The following CACNA1A variants were observed in gnomAD, a reference collection of about 807,000 sequenced individuals.
CACNA1A encodes calcium voltage-gated channel subunit alpha1 A, also known as voltage-dependent P/Q-type calcium channel subunit alpha-1A.
CACNA1A carries 57 observed loss-of-function variants against 262.4 expected under a neutral mutation model. The observed-to-expected ratio is 0.22, with a 90% CI of 0.18 to 0.27. The LOEUF (loss-of-function observed/expected upper bound fraction) is 0.27, where lower values mean the gene tolerates loss of function less well. Ranked by LOEUF, CACNA1A falls within the 10% of genes least tolerant of loss-of-function variation. The pLI is 1.00. For missense variants in CACNA1A, 2,526 were observed against 3,562.8 expected (o/e 0.71, Z 7.41); for synonymous variants, 1,431 against 1,419.3 (o/e 1.01, Z -0.18).
Position 13,227,578 on chromosome 19 carries a change from C to T in CACNA1A, c.5529-51G>A, listed in dbSNP as rs150995972. 3.3e-3 allele frequency: 3,448 copies of T among 1,051,858 alleles called. 10 individuals carry two copies. The highest frequency in any genetic ancestry group is 5.4e-3 in the Middle Eastern group (24 of 4,418). The allele number at this position is 1,051,858 out of a possible 1,614,324, so 65.2% of individuals were successfully genotyped here. Reference sequence around the variant, plus strand: ...CAAAAACAAAAACAAAAAAACAAAACGGGAATGGGAACAGAGAACCAAAGG... The same window carrying T: ...CAAAAACAAAAACAAAAAAACAAAATGGGAATGGGAACAGAGAACCAAAGG... On this transcript the variant is annotated intron_variant, in intron 36 of 46. Coordinates refer to ENST00000360228, the MANE Select transcript of CACNA1A (RefSeq NM_001127222.2).
intron 46 of CACNA1A, among the ~76,000 whole-genome samples, chr19:13,208,268 G>A (rs556902527): frequency 3.4e-5 from 5 of 145,082 alleles, no homozygotes; most frequent in South Asian, 2.2e-4. Context: ...GGGAGGAGGG[G>A]GAGTGAGACA....
At chr19:13,469,080 G>A (rs1291062666) in intron 1 of CACNA1A, among the ~76,000 whole-genome samples, 4 of 152,086 alleles carry the variant, frequency 2.6e-5, no homozygotes, top group Non-Finnish European at 5.9e-5. Context: ...AGCCAAGAAG[G>A]CCCCCAAGAA....
intron 10 of CACNA1A, among the ~76,000 whole-genome samples, chr19:13,318,170 G>A (rs1419977308): frequency 1.3e-5 from 2 of 152,088 alleles, no homozygotes; most frequent in African/African-American, 4.8e-5. Context: ...AGAGGGACTG[G>A]GAGCCCTTGG....
chr19:13,490,622 G>GGAAAA (rs1006828937), intron 1 of CACNA1A, among the ~76,000 whole-genome samples: 2 of 130,356 alleles, frequency 1.5e-5, no homozygotes, highest in Non-Finnish European at 3.3e-5. Context: ...AGAAAAGAAA[G>GGAAAA]GAAAAGAAAA....
rs967191257 is a variant in CACNA1A at position 13,312,834 on chromosome 19, G to T, written c.1556-53C>A. The T allele has an allele frequency of 8.1e-6, 7 of 868,938 alleles. No individual in the cohort carries two copies. The African/African-American group carries it at 1.3e-4, about 16-fold the overall frequency. 53.8% of individuals were successfully genotyped at this position (868,938 alleles called of 1,614,324 possible). A position where few individuals can be genotyped will look rare whatever the true frequency, so the allele number is the denominator to read the frequency against. Reference sequence around the variant, plus strand: ...GGAGGTTAGGCTTGCTGAGGGTAGGGGTTCCAGGTGGCTCTGACTTTCCTT... The same window carrying T: ...GGAGGTTAGGCTTGCTGAGGGTAGGTGTTCCAGGTGGCTCTGACTTTCCTT... On this transcript the variant is annotated intron_variant, in intron 11 of 46. Coordinates refer to ENST00000360228, the MANE Select transcript of CACNA1A (RefSeq NM_001127222.2).
chr19:13,442,052 G>T (rs1041526066), intron 3 of CACNA1A, among the ~76,000 whole-genome samples: 1 of 152,104 alleles, frequency 6.6e-6, no homozygotes, highest in African/African-American at 2.4e-5. Context: ...AGCACAATAC[G>T]GTGTGCTGGG....
intron 4 of CACNA1A, chr19:13,366,352 C>T (rs2059211542): frequency 6.6e-6 from 1 of 152,036 alleles, no homozygotes; most frequent in Non-Finnish European, 1.5e-5. Context: ...TGCCTGTAGT[C>T]CTAGCTACTC....
At position 13,208,766 on chromosome 19, in the gene CACNA1A, G is replaced by A. The variant is rs755099305; in HGVS notation, c.6770C>T (p.Ala2257Val). The A allele has an allele frequency of 5.6e-5, 89 of 1,576,054 alleles. No homozygotes were observed. Among genetic ancestry groups the A allele is most frequent in the South Asian group, 6.8e-5 (6 of 88,680 alleles). The change falls in exon 46 of 47, where the codon GCG (alanine) becomes GTG (valine). Residue 2257 changes from alanine (A) to valine (V), a missense_variant. Coordinates refer to ENST00000360228, the MANE Select transcript of CACNA1A (RefSeq NM_001127222.2). ...TGCAGCCGCACCCACCTGCCGGTGC[G>A]CCATGTGCTCTCGGCCCTCGCTGGG... ...RSPSEGREHM[A>V]HRQGSSSVSG...
intron 3 of CACNA1A, among the ~76,000 whole-genome samples, chr19:13,405,465 T>G (rs553722614): frequency 5.3e-4 from 80 of 152,040 alleles, no homozygotes; most frequent in Admixed American, 1.7e-3. Flanking sequence ...TTCTGCCTCC[T>G]AAAGTGCTGG....
intron 6 of CACNA1A, among the ~76,000 whole-genome samples, chr19:13,340,407 G>A (rs1014468251): frequency 6.9e-6 from 1 of 145,946 alleles, no homozygotes; most frequent in African/African-American, 2.5e-5. Flanking sequence ...TGAGAAAGCT[G>A]AGGCACAGAG....
At chr19:13,385,316 G>A (rs1475750198) in intron 3 of CACNA1A, among the ~76,000 whole-genome samples, 1 of 147,174 alleles carries the variant, frequency 6.8e-6, no homozygotes, top group African/African-American at 2.5e-5. Flanking sequence ...TGCATCCTCC[G>A]CTTCCCAGGT....
intron 1 of CACNA1A, among the ~76,000 whole-genome samples, chr19:13,490,889 G>A (rs1354662479): frequency 7.9e-6 from 1 of 127,170 alleles, no homozygotes; most frequent in African/African-American, 3.0e-5. Flanking sequence ...AGGAAGGAAG[G>A]AAAGGAGTAA....
At chr19:13,304,489 G>A (rs771054270) in intron 15 of CACNA1A, among the ~76,000 whole-genome samples, 10 of 151,832 alleles carry the variant, frequency 6.6e-5, no homozygotes, top group African/African-American at 9.7e-5. Context: ...AAATTAGCTG[G>A]TGCCCATCTG....
At chr19:13,257,705 A>C (rs1361555329) in intron 27 of CACNA1A, 154 bp from the exon 28 acceptor site, 2 of 501,476 alleles carry the variant, frequency 4.0e-6, no homozygotes, top group African/African-American at 3.9e-5. Flanking sequence ...CTGTTTTTTG[A>C]AAGGCTGACA....
intron 37 of CACNA1A, 57 bp from the exon 38 acceptor site, chr19:13,224,829 G>A (rs533182845): frequency 8.0e-4 from 1,039 of 1,306,788 alleles, no homozygotes; most frequent in Middle Eastern, 1.7e-3. Context: ...TGGGTCTCCC[G>A]TGAGCCGCGC....
chr19:13,285,952 A>ATTTTTT (rs74181819), intron 20 of CACNA1A, among the ~76,000 whole-genome samples: 2 of 95,806 alleles, frequency 2.1e-5, no homozygotes, highest in African/African-American at 4.2e-5. Flanking sequence ...GCAGTTCACC[A>ATTTTTT]TTTTTTTTTT....
chr19:13,234,402 G>A (rs1205978574), intron 34 of CACNA1A, among the ~76,000 whole-genome samples: 1 of 142,714 alleles, frequency 7.0e-6, no homozygotes, highest in Admixed American at 7.1e-5. Context: ...TACACTGAAC[G>A]AGTGAAGGAA....
intron 3 of CACNA1A, among the ~76,000 whole-genome samples, chr19:13,374,841 T>C (rs2059379123): frequency 6.6e-6 from 1 of 151,714 alleles, no homozygotes; most frequent in African/African-American, 2.4e-5. Flanking sequence ...CAGGCTTTGT[T>C]TTGTTTTGTT....
At chr19:13,394,601 C>T (rs918891146) in intron 3 of CACNA1A, among the ~76,000 whole-genome samples, 4 of 152,126 alleles carry the variant, frequency 2.6e-5, no homozygotes, top group African/African-American at 7.2e-5. Flanking sequence ...TTGGCTTTAA[C>T]GACCATTTCC....
Sources: allele counts gnomAD v4.1 joint callset (sites outside exome capture counted in the v4.1 genomes callset), GRCh38; gene constraint gnomAD v4.1.1; transcripts MANE v1.5; gene names NCBI Gene and HGNC (gene_info 2026-07-23, HGNC 2026-07-21).